The following CUX2 variants were observed in gnomAD, a reference collection of about 807,000 sequenced individuals.
CUX2 encodes the protein cut like homeobox 2, also known as homeobox protein cut-like 2.
CUX2 carries 40 observed loss-of-function variants against 144.8 expected under a neutral mutation model. The observed-to-expected ratio is 0.28, with a 90% CI of 0.21 to 0.36. The LOEUF is 0.36. CUX2 is among the 10% of genes least tolerant of loss of function. The pLI, the probability that CUX2 is intolerant of heterozygous loss-of-function variation, is 1.00. For synonymous variants in CUX2, 827 were observed against 875.6 expected (o/e 0.94, Z 0.98); for missense variants, 1,615 against 1,994.0 (o/e 0.81, Z 3.62).
chr12:111,122,216 C>G (rs945053795), intron 1 of CUX2, among the ~76,000 whole-genome samples: 4 of 152,222 alleles, frequency 2.6e-5, no homozygotes, highest in South Asian at 2.1e-4. Flanking sequence ...TTTCTACATT[C>G]TCTCCCCCAC....
At chr12:111,060,728 C>T (rs993135287) in intron 1 of CUX2, among the ~76,000 whole-genome samples, 1 of 152,192 alleles carries the variant, frequency 6.6e-6, no homozygotes, top group African/African-American at 2.4e-5. Context: ...CAGCCCGGCC[C>T]AGCCTGTAGC....
rs551520200 is a variant in CUX2 at position 111,215,937 on chromosome 12, G to A, written c.174+1627G>A. Among the ~76,000 whole-genome samples, 6 of 152,306 alleles carry A rather than the reference G, an allele frequency of 3.9e-5. No homozygotes were observed. In the South Asian group the frequency reaches 1.2e-3, roughly 32 times the overall value. ...AATTATGCAATTATGTAATTAAGAG[G>A]AATAAGTTTCCATTCCTATTATAGT... On this transcript the variant is annotated intron_variant, in intron 2 of 21. Transcript: ENST00000261726.
At chr12:111,200,863 C>T (rs1033697311) in intron 1 of CUX2, among the ~76,000 whole-genome samples, 7 of 152,168 alleles carry the variant, frequency 4.6e-5, no homozygotes, top group South Asian at 4.1e-4. Flanking sequence ...AACTAGCCTC[C>T]GCGGGGGCAT....
At chr12:111,082,198 ATC>A (rs2136043822) in intron 1 of CUX2, among the ~76,000 whole-genome samples, 1 of 152,324 alleles carries the variant, frequency 6.6e-6, no homozygotes, top group Admixed American at 6.5e-5. Flanking sequence ...GTTTTGAGGC[ATC>A]TCTGTGTTGT....
chr12:111,246,846 A>C lies in CUX2; in HGVS notation c.223-16915A>C, dbSNP rs1303074731. ...CTCCTAGCTGTGCCCTGCAGGGTACATGACTCCGTCCTTGACTGTCCCTCC... is the reference window on the plus strand; with the variant it reads ...CTCCTAGCTGTGCCCTGCAGGGTACCTGACTCCGTCCTTGACTGTCCCTCC... On this transcript the variant is annotated intron_variant, in intron 3 of 21. Transcript: ENST00000261726. This position sits in a 1 kb window ranked among gnomAD's most constrained non-coding sequence, Gnocchi z 4.0. Among the ~76,000 whole-genome samples, 1 of 152,078 alleles carries C rather than the reference A, an allele frequency of 6.6e-6. No individual in the cohort carries two copies. Among genetic ancestry groups the C allele is most frequent in the Non-Finnish European group, 1.5e-5 (1 of 68,024 alleles).
chr12:111,326,936 C>T (rs1007761304), intron 18 of CUX2, among the ~76,000 whole-genome samples: 2 of 152,100 alleles, frequency 1.3e-5, no homozygotes, highest in African/African-American at 4.8e-5. Context: ...AATCACATAA[C>T]GTAAAATGTA....
chr12:111,131,180 G>C (rs752325749), intron 1 of CUX2, among the ~76,000 whole-genome samples: 8 of 152,154 alleles, frequency 5.3e-5, no homozygotes, highest in Admixed American at 1.3e-4. Flanking sequence ...GAGGCAAAAG[G>C]CACTTCTTAC....
At chr12:111,301,038 CA>C (rs3061127) in intron 9 of CUX2, among the ~76,000 whole-genome samples, 29,065 of 106,348 alleles carry the variant, frequency 0.27, 3,544 homozygotes, top group East Asian at 0.66. Flanking sequence ...GACCCTATCT[CA>C]AAAAAAAAAA....
chr12:111,302,111 A>T (rs992220159), intron 9 of CUX2, among the ~76,000 whole-genome samples: 1 of 152,214 alleles, frequency 6.6e-6, no homozygotes, highest in African/African-American at 2.4e-5. Flanking sequence ...CGTATAAATA[A>T]ATAATAAATT....
At position 111,289,445 on chromosome 12, in the gene CUX2, C is replaced by T. The variant is rs745967791; in HGVS notation, c.302-1973C>T. On this transcript the variant is annotated intron_variant, in intron 4 of 21. Coordinates refer to ENST00000261726, the MANE Select transcript of CUX2 (RefSeq NM_015267.4). The surrounding 1 kb of genome is among the most constrained non-coding windows in gnomAD (Gnocchi z 4.1). ...ATCCAAGCCAGCCTCCAGGGGATGC[C>T]GTGAGGATGCTGGGAAGCCAGTCCT... is the stretch of plus-strand genomic sequence containing the variant. 2.6e-5 allele frequency among the ~76,000 whole-genome samples: 4 copies of T among 152,112 alleles called. No individual in the cohort carries two copies. Among genetic ancestry groups the T allele is most frequent in the African/African-American group, 4.8e-5 (2 of 41,426 alleles).
chr12:111,295,296 C>A lies in CUX2; in HGVS notation c.561-37C>A. On this transcript the variant is annotated intron_variant, in intron 6 of 21. Coordinates refer to ENST00000261726, the MANE Select transcript of CUX2 (RefSeq NM_015267.4). This position sits in a 1 kb window ranked among gnomAD's most constrained non-coding sequence, Gnocchi z 5.0. ...TCGGGGGCCCCAGGCAAGGCCTGTC[C>A]CTGCAGCCAGCACAAGCAGGCCTCG... The A allele has an allele frequency of 6.2e-7, 1 of 1,603,946 alleles. No individual in the cohort carries two copies. The highest frequency in any genetic ancestry group is 1.1e-5 in the South Asian group (1 of 89,170).
chr12:111,183,203 C>A (rs1879300280), intron 1 of CUX2, among the ~76,000 whole-genome samples: 1 of 152,242 alleles, frequency 6.6e-6, no homozygotes, highest in African/African-American at 2.4e-5. Flanking sequence ...GGATGAATTA[C>A]TGAATGAATG....
At chr12:111,192,976 CCT>C (rs1446721457) in intron 1 of CUX2, among the ~76,000 whole-genome samples, 3 of 152,118 alleles carry the variant, frequency 2.0e-5, no homozygotes, top group Non-Finnish European at 4.4e-5. Flanking sequence ...CAGACAAAGC[CCT>C]TTAGGTTCCT....
chr12:111,338,819 G>C (rs1191866126), intron 20 of CUX2, among the ~76,000 whole-genome samples: 1 of 151,926 alleles, frequency 6.6e-6, no homozygotes, highest in Non-Finnish European at 1.5e-5. Context: ...ATCGTTCAAG[G>C]CTGCAATGTG....
chr12:111,230,476 A>G (rs1427080667), intron 3 of CUX2, among the ~76,000 whole-genome samples: 1 of 152,192 alleles, frequency 6.6e-6, no homozygotes, highest in East Asian at 1.9e-4. Flanking sequence ...TCTGCAGTTT[A>G]ACAAGGTCCC....
In CUX2 at chr12:111,087,860, AG is replaced by A. The variant is rs563030897; in HGVS notation, c.63+53621del. Among the ~76,000 whole-genome samples the A allele has an allele frequency of 1.4e-3, 208 of 152,368 alleles. 1 individual carries two copies. The highest frequency in any genetic ancestry group is 2.7e-3 in the Non-Finnish European group (181 of 68,040). On this transcript the variant is annotated intron_variant, in intron 1 of 21. Coordinates refer to ENST00000261726, the MANE Select transcript of CUX2 (RefSeq NM_015267.4). ...CCAAAACCTGCACACAAATGTTCTC[AG>A]AAGCTTTATTCATGAGTAGCCAAAA...
At chr12:111,252,142 C>T (rs1883592575) in intron 3 of CUX2, among the ~76,000 whole-genome samples, 1 of 152,058 alleles carries the variant, frequency 6.6e-6, no homozygotes. Flanking sequence ...GCTATGATGG[C>T]ACCACACCAC....
chr12:111,268,662 G>T (rs947408880), intron 4 of CUX2, among the ~76,000 whole-genome samples: 1 of 152,276 alleles, frequency 6.6e-6, no homozygotes, highest in African/African-American at 2.4e-5. Flanking sequence ...TGTGTCTGCA[G>T]CTGGGGTCAT....
intron 1 of CUX2, among the ~76,000 whole-genome samples, chr12:111,115,626 C>G (rs1874250951): frequency 6.6e-6 from 1 of 152,154 alleles, no homozygotes; most frequent in Non-Finnish European, 1.5e-5. Flanking sequence ...ACCCCATGCT[C>G]TTCCCCTGCT....
Sources: gnomAD v4.1 joint callset for allele counts (sites outside exome capture counted in the v4.1 genomes callset) on GRCh38, gnomAD v4.1.1 for gene constraint, Gnocchi (gnomAD v3.1) non-coding constraint, MANE v1.5 for transcripts, NCBI Gene and HGNC (gene_info 2026-07-23, HGNC 2026-07-21) for gene names.